Variants in IMMP1L observed in about 807,000 individuals in gnomAD.
IMMP1L encodes mitochondrial inner membrane protease subunit 1.
In IMMP1L, 24 loss-of-function variants were observed where a neutral mutation model predicts 21.8. The ratio of observed to expected loss-of-function variants is 1.10; its 90% CI spans 0.80 to 1.55. The LOEUF (loss-of-function observed/expected upper bound fraction) is 1.55. IMMP1L is among the 40% of genes most tolerant of loss of function. The pLI, the probability that IMMP1L is intolerant of heterozygous loss-of-function variation, is 0.00. For missense variants in IMMP1L, 195 were observed against 200.7 expected (o/e 0.97, Z 0.17); for synonymous variants, 46 against 62.8 (o/e 0.73, Z 1.26).
intron 4 of IMMP1L, among the ~76,000 whole-genome samples, chr11:31,450,483 G>C (rs1342330455): frequency 1.3e-5 from 2 of 152,084 alleles, no homozygotes; most frequent in African/African-American, 2.4e-5. Flanking sequence ...TTAAAGAAAG[G>C]CCTGAAAAAT....
At chr11:31,465,587 G>T (rs1052003802) in intron 1 of IMMP1L, among the ~76,000 whole-genome samples, 3 of 152,024 alleles carry the variant, frequency 2.0e-5, no homozygotes, top group Non-Finnish European at 4.4e-5. Context: ...CATGGTATTA[G>T]TATAAAAACA....
At chr11:31,478,112 A>G (rs1370559101) in intron 1 of IMMP1L, among the ~76,000 whole-genome samples, 1 of 152,212 alleles carries the variant, frequency 6.6e-6, no homozygotes, top group African/African-American at 2.4e-5. Flanking sequence ...CTAGGTGAAG[A>G]TTAGAACTTT....
chr11:31,500,265 G>A (rs1480158732), intron 1 of IMMP1L, among the ~76,000 whole-genome samples: 3 of 151,760 alleles, frequency 2.0e-5, no homozygotes, highest in Non-Finnish European at 4.4e-5. Flanking sequence ...TTATCAACAT[G>A]AATAAAGAGC....
intron 1 of IMMP1L, among the ~76,000 whole-genome samples, chr11:31,467,304 T>C (rs1392489178): frequency 6.6e-6 from 1 of 152,144 alleles, no homozygotes; most frequent in African/African-American, 2.4e-5. Flanking sequence ...CTCTGTCCAC[T>C]GTGAAAAGGC....
chr11:31,509,295 A>G (rs1013996160), intron 1 of IMMP1L, among the ~76,000 whole-genome samples: 2 of 152,200 alleles, frequency 1.3e-5, no homozygotes, highest in Non-Finnish European at 2.9e-5. Context: ...TTTCCATATA[A>G]CACAAAATTA....
At chr11:31,504,092 T>C (rs1246941840) in intron 1 of IMMP1L, among the ~76,000 whole-genome samples, 1 of 151,948 alleles carries the variant, frequency 6.6e-6, no homozygotes, top group Non-Finnish European at 1.5e-5. Context: ...TCCAATAAAG[T>C]ACAGACATAA....
chr11:31,466,076 AC>A (rs1954331989), intron 1 of IMMP1L, among the ~76,000 whole-genome samples: 1 of 152,076 alleles, frequency 6.6e-6, no homozygotes, highest in Admixed American at 6.6e-5. Flanking sequence ...AAAACAAATA[AC>A]CCAATTAAAA....
At chr11:31,496,551 T>C (rs1248445564) in intron 1 of IMMP1L, among the ~76,000 whole-genome samples, 1 of 151,962 alleles carries the variant, frequency 6.6e-6, no homozygotes, top group Non-Finnish European at 1.5e-5. Context: ...CTATTTACAA[T>C]AGCCAAAGGT....
intron 1 of IMMP1L, among the ~76,000 whole-genome samples, chr11:31,481,790 T>C (rs1027223642): frequency 1.3e-5 from 2 of 151,948 alleles, no homozygotes; most frequent in Non-Finnish European, 2.9e-5. Context: ...TATTTTGATT[T>C]GGTGACAAAA....
chr11:31,489,163 C>T lies in IMMP1L; in HGVS notation c.-30+20356G>A, dbSNP rs1325219768. Among the ~76,000 whole-genome samples, 6 of 152,192 alleles carry T rather than the reference C, an allele frequency of 3.9e-5. No individual in the cohort carries two copies. The East Asian group carries it at 1.2e-3, about 29-fold the overall frequency. ...CCGCCTGCCTCAGCCTCCCAAAGTGCTGGGATTACAGGCATGAGTCACCGC... is the reference window on the plus strand; with the variant it reads ...CCGCCTGCCTCAGCCTCCCAAAGTGTTGGGATTACAGGCATGAGTCACCGC... On this transcript the variant is annotated intron_variant, in intron 1 of 5. Transcript: ENST00000532287.
chr11:31,438,586 C>T (rs1240068336), intron 4 of IMMP1L, among the ~76,000 whole-genome samples: 1 of 152,054 alleles, frequency 6.6e-6, no homozygotes, highest in African/African-American at 2.4e-5. Flanking sequence ...TTACCTGCCC[C>T]CAGATTATGA....
intron 1 of IMMP1L, among the ~76,000 whole-genome samples, chr11:31,485,054 A>G (rs181770795): frequency 1.9e-3 from 283 of 152,018 alleles, no homozygotes; most frequent in African/African-American, 6.3e-3. Flanking sequence ...AGTTTTTTAA[A>G]AAATTCACAT....
chr11:31,457,837 T>C (rs564368230), intron 3 of IMMP1L, among the ~76,000 whole-genome samples: 24 of 152,338 alleles, frequency 1.6e-4, no homozygotes, highest in African/African-American at 5.3e-4. Context: ...CTCTTGAGGC[T>C]ATTCTTGGTA....
At chr11:31,433,997 A>C (rs1443138729) in intron 4 of IMMP1L, among the ~76,000 whole-genome samples, 1 of 152,178 alleles carries the variant, frequency 6.6e-6, no homozygotes, top group Non-Finnish European at 1.5e-5. Flanking sequence ...ACCAAAGCCA[A>C]ACCTATTAGA....
intron 4 of IMMP1L, among the ~76,000 whole-genome samples, chr11:31,443,420 A>AT (rs889385022): frequency 2.0e-5 from 3 of 152,206 alleles, no homozygotes; most frequent in Non-Finnish European, 4.4e-5. Context: ...GTGAGAAAAC[A>AT]TTAATTTTTA....
chr11:31,464,097 T>C (rs1456615294), intron 1 of IMMP1L, among the ~76,000 whole-genome samples: 1 of 152,126 alleles, frequency 6.6e-6, no homozygotes, highest in East Asian at 1.9e-4. Context: ...GGCTACAATA[T>C]ACTGTTCTCA....
chr11:31,460,434 G>T (rs934469872), intron 3 of IMMP1L, among the ~76,000 whole-genome samples, 192 bp downstream of exon 3: 1 of 152,098 alleles, frequency 6.6e-6, no homozygotes, highest in African/African-American at 2.4e-5. Context: ...CCAAGACACT[G>T]CATATGTTTG....
rs1952992008 is a variant in IMMP1L at position 31,433,450 on chromosome 11, A to G, written c.432+10T>C. 2.7e-6 allele frequency: 4 copies of G among 1,466,264 alleles called. No homozygotes were observed. The highest frequency in any genetic ancestry group is 3.7e-6 in the Non-Finnish European group (4 of 1,068,604). 90.8% of individuals were successfully genotyped at this position (1,466,264 alleles called of 1,614,324 possible). ...AAAATAAACCTTACATTTTAAGCAGAAAATGGTACCTTAAAGAAGATTCGT... is the reference window on the plus strand; with the variant it reads ...AAAATAAACCTTACATTTTAAGCAGGAAATGGTACCTTAAAGAAGATTCGT... On this transcript the variant is annotated intron_variant, in intron 5 of 5. Transcript: ENST00000532287.
At chr11:31,500,560 C>T (rs1035945315) in intron 1 of IMMP1L, among the ~76,000 whole-genome samples, 1 of 151,248 alleles carries the variant, frequency 6.6e-6, no homozygotes, top group African/African-American at 2.4e-5. Flanking sequence ...AAAAGACACT[C>T]CTCTCTCCCC....
Sources: gnomAD v4.1 joint callset for allele counts (sites outside exome capture counted in the v4.1 genomes callset) on GRCh38, gnomAD v4.1.1 for gene constraint, MANE v1.5 for transcripts, NCBI Gene and HGNC (gene_info 2026-07-23, HGNC 2026-07-21) for gene names.